Variants in AKAP7 observed in about 807,000 individuals in gnomAD.
AKAP7 encodes the protein A-kinase anchoring protein 7.
In AKAP7, 39 loss-of-function variants were observed where a neutral mutation model predicts 39.5. That is an observed-to-expected ratio of 0.99 (90% CI 0.76 to 1.29). The LOEUF is 1.29. Ranked by LOEUF, AKAP7 falls within the 50% of genes most tolerant of loss-of-function variation. The pLI is 0.00. For synonymous variants in AKAP7, 140 were observed against 139.1 expected (o/e 1.01, Z -0.05); for missense variants, 414 against 407.7 (o/e 1.02, Z -0.13).
At position 131,281,007 on chromosome 6, in the gene AKAP7, C is replaced by G. The variant is rs934461867; in HGVS notation, c.851-523C>G. On this transcript the variant is annotated intron_variant, in intron 7 of 7. Coordinates refer to ENST00000431975, the MANE Select transcript of AKAP7 (RefSeq NM_016377.4). This position sits in a 1 kb window ranked among gnomAD's most constrained non-coding sequence, Gnocchi z 4.0. ...CTTACAAGCTTACTTTAAACCAATT[C>G]CTAGTGGTAGTAACTGCCTTTATCT... Among the ~76,000 whole-genome samples, 9 of 152,248 alleles carry G rather than the reference C, an allele frequency of 5.9e-5. No individual in the cohort carries two copies. Among genetic ancestry groups the G allele is most frequent in the African/African-American group, 1.7e-4 (7 of 41,554 alleles).
chr6:131,199,436 C>T (rs190916095), intron 5 of AKAP7, 25 bp from the exon 6 acceptor site: 1 of 1,468,152 alleles, frequency 6.8e-7, no homozygotes, highest in East Asian at 2.3e-5. Context: ...AGTAGCATTT[C>T]TTTGTTTCTC....
intron 7 of AKAP7, among the ~76,000 whole-genome samples, chr6:131,277,464 T>G (rs1001831940): frequency 1.2e-4 from 19 of 152,220 alleles, no homozygotes; most frequent in African/African-American, 4.3e-4. Context: ...AAAGATAGTT[T>G]GTGTGTGTTG....
At chr6:131,222,031 G>A (rs1036770109) in intron 7 of AKAP7, among the ~76,000 whole-genome samples, 2 of 152,172 alleles carry the variant, frequency 1.3e-5, no homozygotes, top group Admixed American at 6.5e-5. Flanking sequence ...TATTGTGATA[G>A]ATATGAGCAA....
intron 6 of AKAP7, among the ~76,000 whole-genome samples, chr6:131,202,648 T>C (rs959742106): frequency 6.7e-6 from 1 of 149,690 alleles, no homozygotes; most frequent in South Asian, 2.2e-4. Flanking sequence ...TTAGGAGATA[T>C]ACCTAACGCT....
chr6:131,169,297 G>T, intron 5 of AKAP7, 24 bp downstream of exon 5: 1 of 1,609,556 alleles, frequency 6.2e-7, no homozygotes, highest in South Asian at 1.1e-5. Context: ...ACACTCATAT[G>T]AAATCTTGTC....
intron 7 of AKAP7, among the ~76,000 whole-genome samples, chr6:131,228,389 G>T (rs1337363990): frequency 6.6e-6 from 1 of 152,172 alleles, no homozygotes; most frequent in African/African-American, 2.4e-5. Context: ...ATAGATATGT[G>T]CATGAATGTC....
chr6:131,227,989 G>T (rs1810322661), intron 7 of AKAP7, among the ~76,000 whole-genome samples: 1 of 152,176 alleles, frequency 6.6e-6, no homozygotes, highest in Non-Finnish European at 1.5e-5. Flanking sequence ...AAGACCTTTT[G>T]CCTTGCTTCT....
At chr6:131,240,358 A>G (rs1455693265) in intron 7 of AKAP7, among the ~76,000 whole-genome samples, 1 of 152,040 alleles carries the variant, frequency 6.6e-6, no homozygotes, top group East Asian at 1.9e-4. Context: ...GGGGTCAGGG[A>G]CCCACTTGAG....
rs76472080 is a variant in AKAP7, at chr6:131,177,400, C to G, written c.589+8127C>G. 8.6e-3 allele frequency among the ~76,000 whole-genome samples: 1,315 copies of G among 152,148 alleles called. 14 individuals carry two copies. Among genetic ancestry groups the G allele is most frequent in the African/African-American group, 0.03 (1,245 of 41,490 alleles). On this transcript the variant is annotated intron_variant, in intron 5 of 7. Transcript: ENST00000431975. ...AAGTGGAAAAGTGAGTGGGTGCATG[C>G]AAAGAGATCACTTGCCGATAGAGGA...
chr6:131,280,361 T>C (rs1815104366), intron 7 of AKAP7, among the ~76,000 whole-genome samples: 1 of 152,132 alleles, frequency 6.6e-6, no homozygotes, highest in African/African-American at 2.4e-5. Flanking sequence ...TTAGTCTTGA[T>C]GGGTGTTACA....
chr6:131,164,362 A>G (rs1227203537), intron 3 of AKAP7: 1 of 454,946 alleles, frequency 2.2e-6, no homozygotes, highest in African/African-American at 2.0e-5. Context: ...CTGGAAGTGG[A>G]GGAGGGAAGA....
intron 2 of AKAP7, among the ~76,000 whole-genome samples, chr6:131,159,378 C>T (rs1562871777): frequency 6.6e-6 from 1 of 152,272 alleles, no homozygotes; most frequent in African/African-American, 2.4e-5. Context: ...CAGGCGTGAG[C>T]CACCGAGCCT....
In AKAP7 at chr6:131,281,876, C is replaced by T. The variant is rs1329199348; in HGVS notation, c.*150C>T. The T allele has an allele frequency of 1.3e-5, 17 of 1,273,504 alleles. No individual in the cohort carries two copies. The highest frequency in any genetic ancestry group is 1.0e-4 in the South Asian group (3 of 29,670). 78.9% of individuals were successfully genotyped at this position (1,273,504 alleles called of 1,614,324 possible). On this transcript the variant is annotated 3_prime_UTR_variant, in exon 8 of 8. Transcript: ENST00000431975. The surrounding 1 kb of genome is among the most constrained non-coding windows in gnomAD (Gnocchi z 4.0). Reference sequence around the variant, plus strand: ...TAATACTTTTCATGATCGATGTGTTCGCATTGCTGAAACACAACAGAAGAA... The same window carrying T: ...TAATACTTTTCATGATCGATGTGTTTGCATTGCTGAAACACAACAGAAGAA...
intron 7 of AKAP7, chr6:131,253,000 A>G (rs1202570093): frequency 6.2e-7 from 1 of 1,608,834 alleles, no homozygotes; most frequent in Admixed American, 1.7e-5. Context: ...GTTTTTGGTG[A>G]AAGTTTAAAT....
At chr6:131,210,890 C>T (rs1210243398) in intron 6 of AKAP7, among the ~76,000 whole-genome samples, 2 of 152,178 alleles carry the variant, frequency 1.3e-5, no homozygotes, top group Non-Finnish European at 2.9e-5. Flanking sequence ...CCCTCCCTGA[C>T]CTACCCTGAC....
rs181766149 is a variant in AKAP7, at chr6:131,257,300, C to T, written c.851-24230C>T. Among the ~76,000 whole-genome samples, 214 of 144,156 alleles carry T rather than the reference C, an allele frequency of 1.5e-3. 1 individual carries two copies. Among genetic ancestry groups the T allele is most frequent in the African/African-American group, 5.0e-3 (194 of 38,752 alleles). 94.6% of individuals were successfully genotyped at this position (144,156 alleles called of 152,430 possible). On this transcript the variant is annotated intron_variant, in intron 7 of 7. Transcript: ENST00000431975. ...ATGTGTACCTGTAGTCCCAACTACT[C>T]GGGAGGCTGAAGTGCCATGATTGCA... is the stretch of plus-strand genomic sequence containing the variant.
chr6:131,217,920 C>T (rs761564112), intron 6 of AKAP7, among the ~76,000 whole-genome samples: 1 of 152,198 alleles, frequency 6.6e-6, no homozygotes, highest in Non-Finnish European at 1.5e-5. Flanking sequence ...TACACACACA[C>T]ACAAGCATTT....
intron 6 of AKAP7, among the ~76,000 whole-genome samples, chr6:131,219,204 C>A (rs1283970263): frequency 6.6e-6 from 1 of 151,002 alleles, no homozygotes; most frequent in Non-Finnish European, 1.5e-5. Flanking sequence ...GGAGGAGAAT[C>A]ACTTGAACCC....
chr6:131,163,660 G>A (rs1031087527), intron 3 of AKAP7, among the ~76,000 whole-genome samples: 2 of 152,114 alleles, frequency 1.3e-5, no homozygotes, highest in Admixed American at 6.5e-5. Flanking sequence ...CATATTTTAA[G>A]CAATAGAATT....
Sources: gnomAD v4.1 joint callset for allele counts (sites outside exome capture counted in the v4.1 genomes callset) on GRCh38, gnomAD v4.1.1 for gene constraint, Gnocchi (gnomAD v3.1) non-coding constraint, MANE v1.5 for transcripts, NCBI Gene and HGNC (gene_info 2026-07-23, HGNC 2026-07-21) for gene names.